The following SETD1B variants were observed in gnomAD, a reference collection of about 807,000 sequenced individuals.
SETD1B encodes the protein SET domain containing 1B, histone lysine methyltransferase.
SETD1B carries 7 observed loss-of-function variants against 148.0 expected under a neutral mutation model. That is an observed-to-expected ratio of 0.05 (90% CI 0.03 to 0.09). The LOEUF (loss-of-function observed/expected upper bound fraction) is 0.09, where lower values mean the gene tolerates loss of function less well. SETD1B is among the 10% of genes least tolerant of loss of function. The pLI is 1.00. For missense variants in SETD1B, 2,155 were observed against 2,729.9 expected, an observed-to-expected ratio of 0.79 and a Z score of 4.69; for synonymous variants, 1,361 against 1,186.5, an observed-to-expected ratio of 1.15 and a Z score of -3.02.
intron 11 of SETD1B, 143 bp from the exon 12 acceptor site, chr12:121,822,347 C>A: frequency 2.1e-6 from 2 of 934,760 alleles, no homozygotes; most frequent in Non-Finnish European, 3.1e-6. Flanking sequence ...GCTGAGGAGT[C>A]CTTGAGGGGT....
chr12:121,808,424 A>G lies in SETD1B; in HGVS notation c.657+104A>G. The G allele has an allele frequency of 1.5e-6, 1 of 680,510 alleles. No homozygotes were observed. The highest frequency in any genetic ancestry group is 2.5e-6 in the Non-Finnish European group (1 of 395,844). The allele number at this position is 680,510 out of a possible 1,614,324, so 42.2% of individuals were successfully genotyped here. The stretch of plus-strand genomic sequence containing the variant: ...CTTATGGGACCCCCAGCCTACCCCC[A>G]CCTCACTCCAGCTTTGGAGACCAAG... On this transcript the variant is annotated intron_variant, in intron 5 of 16. Coordinates refer to ENST00000604567, the MANE Select transcript of SETD1B (RefSeq NM_001353345.2). This position sits in a 1 kb window ranked among gnomAD's most constrained non-coding sequence, Gnocchi z 5.3.
At position 121,817,235 on chromosome 12, in the gene SETD1B, C is replaced by T. The variant is rs1876333549; in HGVS notation, c.2918C>T (p.Thr973Ile). The T allele has an allele frequency of 1.3e-6, 2 of 1,551,066 alleles. No individual in the cohort carries two copies. Among genetic ancestry groups the T allele is most frequent in the Non-Finnish European group, 1.7e-6 (2 of 1,146,950 alleles). The stretch of plus-strand genomic sequence containing the variant: ...AAGAGGAAGGAGCCACCAGACACCA[C>T]CTCATCTGGCGACCAGAAGCGGCTG... ...KVKRKEPPDTTSSGDQKRLRP... is the reference protein window; with the variant it reads ...KVKRKEPPDTISSGDQKRLRP... The change falls in exon 8 of 17, where the codon ACC (threonine) becomes ATC (isoleucine). Residue 973 changes from threonine (T) to isoleucine (I), a missense_variant. Physicochemically the swap from Thr to Ile is moderately conservative, Grantham distance 89. This residue lies in a region of SETD1B where 289 missense variants were observed against 423.7 expected (regional missense o/e 0.68). Coordinates refer to ENST00000604567, the MANE Select transcript of SETD1B (RefSeq NM_001353345.2). The surrounding 1 kb of genome is among the most constrained non-coding windows in gnomAD (Gnocchi z 8.1).
Position 121,827,616 on chromosome 12 carries a change from G to A in SETD1B, c.5435G>A (p.Cys1812Tyr). Residue 1812 changes from cysteine (C) to tyrosine (Y), a missense_variant, in exon 14 of 17, where the codon TGT (cysteine) becomes TAT (tyrosine). Physicochemically the swap from Cys to Tyr is radical, Grantham distance 194. Transcript: ENST00000604567. ...CTGCTGTCCTCCTTCACTGGCAGCTGTGACAGTGACCTGCTCAAGTTCAAC... is the reference window on the plus strand; with the variant it reads ...CTGCTGTCCTCCTTCACTGGCAGCTATGACAGTGACCTGCTCAAGTTCAAC... ...RRLLSSFTGS[C>Y]DSDLLKFNQL... 1 of 1,551,492 alleles carries A rather than the reference G, an allele frequency of 6.4e-7. No individual in the cohort carries two copies. The highest frequency in any genetic ancestry group is 8.7e-7 in the Non-Finnish European group (1 of 1,146,958).
At chr12:121,813,181 T>G (rs542739827) in intron 6 of SETD1B, among the ~76,000 whole-genome samples, 2 of 152,264 alleles carry the variant, frequency 1.3e-5, no homozygotes, top group East Asian at 1.9e-4. Context: ...GTCAAATGGG[T>G]CGGAGCAGAG....
intron 10 of SETD1B, among the ~76,000 whole-genome samples, chr12:121,818,453 C>T (rs1876404225): frequency 1.3e-5 from 2 of 151,716 alleles, no homozygotes; most frequent in African/African-American, 4.9e-5. Context: ...ATCCCAGCTA[C>T]TTGGGAGGCT....
chr12:121,814,084 T>C, intron 6 of SETD1B, 22 bp from the exon 7 acceptor site: 1 of 1,537,006 alleles, frequency 6.5e-7, no homozygotes, highest in South Asian at 1.2e-5. Context: ...CACCTCACTG[T>C]CTCTCCCTGC....
chr12:121,821,530 A>G (rs1256650180), intron 11 of SETD1B, among the ~76,000 whole-genome samples: 2 of 152,076 alleles, frequency 1.3e-5, no homozygotes, highest in Non-Finnish European at 2.9e-5. Context: ...TAGGCAGATC[A>G]ACTGAGGTCA....
At position 121,805,826 on chromosome 12, in the gene SETD1B, C is replaced by G; in HGVS notation, c.274-9C>G. The G allele has an allele frequency of 6.4e-7, 1 of 1,550,632 alleles. No individual in the cohort carries two copies. Among genetic ancestry groups the G allele is most frequent in the Non-Finnish European group, 8.7e-7 (1 of 1,146,258 alleles). ...TCTTCAAACTCCCTTCCCCCTCGGC[C>G]CCTGCCAGATCGATGAGTTCTACGT... is the stretch of plus-strand genomic sequence containing the variant. On this transcript the variant is annotated splice_polypyrimidine_tract_variant and intron_variant, in intron 3 of 16. Coordinates refer to ENST00000604567, the MANE Select transcript of SETD1B (RefSeq NM_001353345.2). This position sits in a 1 kb window ranked among gnomAD's most constrained non-coding sequence, Gnocchi z 4.2.
rs1463814334 is a variant in SETD1B, at chr12:121,808,485, C to A, written c.657+165C>A. On this transcript the variant is annotated intron_variant, in intron 5 of 16. Transcript: ENST00000604567. The surrounding 1 kb of genome is among the most constrained non-coding windows in gnomAD (Gnocchi z 5.3). ...GTGTGAAGCCTGGCCACGCCCCCCA[C>A]AATTGGGAGCAGGGCCTAGAGCCCC... Among the ~76,000 whole-genome samples the A allele has an allele frequency of 6.6e-6, 1 of 152,220 alleles. No homozygotes were observed. The highest frequency in any genetic ancestry group is 2.4e-5 in the African/African-American group (1 of 41,452).
the SETD1B span, chr12:121,797,427 A>T: frequency 2.2e-6 from 1 of 455,960 alleles, no homozygotes; most frequent in Non-Finnish European, 4.4e-6. Context: ...GAACAGCAGC[A>T]GGAGGACAAA....
At chr12:121,813,131 C>T (rs941471302) in intron 6 of SETD1B, among the ~76,000 whole-genome samples, 3 of 152,180 alleles carry the variant, frequency 2.0e-5, no homozygotes, top group East Asian at 3.9e-4. Context: ...CTGGCTGTGC[C>T]GCGGGGCCAC....
Position 121,809,636 on chromosome 12 carries a change from G to C in SETD1B, c.691G>C (p.Gly231Arg). The change falls in exon 6 of 17, where the codon GGC becomes CGC. Residue 231 changes from glycine (G) to arginine (R), a missense_variant. By Grantham distance (125) the Gly-to-Arg change is moderately radical. Transcript: ENST00000604567. ...SDALKRLKDGGLSAGCGSGSS... is the reference protein window; with the variant it reads ...SDALKRLKDGRLSAGCGSGSS... ...TGCCCTGAAGCGCCTCAAGGATGGA[G>C]GCCTGTCTGCAGGCTGTGGCTCCGG... The C allele has an allele frequency of 7.1e-6, 11 of 1,551,244 alleles. No individual in the cohort carries two copies. The highest frequency in any genetic ancestry group is 8.7e-6 in the Non-Finnish European group (10 of 1,146,798).
At position 121,808,488 on chromosome 12, in the gene SETD1B, T is replaced by C. The variant is rs1327656722; in HGVS notation, c.657+168T>C. On this transcript the variant is annotated intron_variant, in intron 5 of 16. Transcript: ENST00000604567. This position sits in a 1 kb window ranked among gnomAD's most constrained non-coding sequence, Gnocchi z 5.3. ...TGAAGCCTGGCCACGCCCCCCACAA[T>C]TGGGAGCAGGGCCTAGAGCCCCATT... Among the ~76,000 whole-genome samples, 2 of 151,978 alleles carry C rather than the reference T, an allele frequency of 1.3e-5. No individual in the cohort carries two copies. The highest frequency in any genetic ancestry group is 2.9e-5 in the Non-Finnish European group (2 of 67,982).
chr12:121,809,349 C>T (rs1212618224), intron 5 of SETD1B, among the ~76,000 whole-genome samples: 2 of 152,176 alleles, frequency 1.3e-5, no homozygotes, highest in African/African-American at 4.8e-5. Context: ...TTACAGTCTT[C>T]TTTTTTCTCT....
At chr12:121,816,469 C>G (rs1876298774) in intron 7 of SETD1B, among the ~76,000 whole-genome samples, 1 of 152,198 alleles carries the variant, frequency 6.6e-6, no homozygotes, top group Non-Finnish European at 1.5e-5. Context: ...TATACTGACC[C>G]TACAGTAACA....
In SETD1B at chr12:121,830,423, G is replaced by A. The variant is rs951129451; in HGVS notation, c.*184G>A. 2.3e-5 allele frequency: 13 copies of A among 557,136 alleles called. No homozygotes were observed. The highest frequency in any genetic ancestry group is 8.9e-5 in the East Asian group (3 of 33,786). The allele number at this position is 557,136 out of a possible 1,614,324, so 34.5% of individuals were successfully genotyped here. A position where few individuals can be genotyped will look rare whatever the true frequency, so the allele number is the denominator to read the frequency against. ...GAGCCCCTGGCTCCGGCCCCTCCGC[G>A]GGAAAGGGCTTCTCTGTCGTTCAGC... On this transcript the variant is annotated 3_prime_UTR_variant, in exon 17 of 17. Coordinates refer to ENST00000604567, the MANE Select transcript of SETD1B (RefSeq NM_001353345.2). This position sits in a 1 kb window ranked among gnomAD's most constrained non-coding sequence, Gnocchi z 5.7.
At position 121,830,025 on chromosome 12, in the gene SETD1B, G is replaced by A. The variant is rs1399949204; in HGVS notation, c.5728-41G>A. 1 of 1,531,504 alleles carries A rather than the reference G, an allele frequency of 6.5e-7. No individual in the cohort carries two copies. Among genetic ancestry groups the A allele is most frequent in the Non-Finnish European group, 8.8e-7 (1 of 1,134,328 alleles). 94.9% of individuals were successfully genotyped at this position (1,531,504 alleles called of 1,614,324 possible). On this transcript the variant is annotated intron_variant, in intron 16 of 16. Transcript: ENST00000604567. The surrounding 1 kb of genome is among the most constrained non-coding windows in gnomAD (Gnocchi z 5.7). ...GGGGTCTGCAGTGGTGGGGGACCCT[G>A]GGGGACCAGGGGCTCATTCTCCCCC...
In SETD1B at chr12:121,823,014, C is replaced by T. The variant is rs1163750827; in HGVS notation, c.4435C>T (p.Pro1479Ser). 5.9e-6 allele frequency: 9 copies of T among 1,521,664 alleles called. No homozygotes were observed. The Admixed American group carries it at 1.4e-4, about 24-fold the overall frequency. The allele number at this position is 1,521,664 out of a possible 1,614,324, so 94.3% of individuals were successfully genotyped here. ...ETGLPLPLPL[P>S]LPLPLALPAV... is the part of the protein sequence containing the mutation. ...GGGCCTGCCCCTCCCTCTGCCCCTT[C>T]CCCTGCCCTTGCCCTTGGCATTGCC... The change falls in exon 12 of 17, where the codon CCC becomes TCC. Residue 1479 changes from proline to serine, a missense_variant. Pro to Ser is a moderately conservative substitution (Grantham distance 74). Transcript: ENST00000604567.
At position 121,804,764 on chromosome 12, in the gene SETD1B, C is replaced by A; in HGVS notation, c.27C>A (p.His9Gln). The change falls in exon 2 of 17, where the codon CAC becomes CAA. Residue 9 changes from histidine to glutamine, a missense_variant. Physicochemically the swap from His to Gln is conservative, Grantham distance 24. Coordinates refer to ENST00000604567, the MANE Select transcript of SETD1B (RefSeq NM_001353345.2). This position sits in a 1 kb window ranked among gnomAD's most constrained non-coding sequence, Gnocchi z 4.6. ...TGGAGAACAGTCACCCCCCCCACCA[C>A]CACCACCAGCAGCCCCCGCCGCAGC... is the stretch of plus-strand genomic sequence containing the variant. MENSHPPH[H>Q]HHQQPPPQPG... 2 of 1,550,520 alleles carry A rather than the reference C, an allele frequency of 1.3e-6. No homozygotes were observed. The highest frequency in any genetic ancestry group is 4.9e-5 in the East Asian group (2 of 40,830).
Sources: gnomAD v4.1 joint callset for allele counts (sites outside exome capture counted in the v4.1 genomes callset) on GRCh38, gnomAD v4.1.1 for gene constraint, gnomAD v4.1.1 regional missense constraint, Gnocchi (gnomAD v3.1) non-coding constraint, MANE v1.5 for transcripts, NCBI Gene and HGNC (gene_info 2026-07-23, HGNC 2026-07-21) for gene names.